The following DIPK1A variants were observed in gnomAD, a reference collection of about 807,000 sequenced individuals.
DIPK1A encodes family with sequence similarity 69 member A.
DIPK1A carries 27 observed loss-of-function variants against 40.8 expected under a neutral mutation model. That is an observed-to-expected ratio of 0.66 (90% CI 0.49 to 0.91). The LOEUF (loss-of-function observed/expected upper bound fraction) is 0.91, where lower values mean the gene tolerates loss of function less well. DIPK1A is among the 40% of genes least tolerant of loss of function. DIPK1A has a pLI of 0.00. For missense variants in DIPK1A, 412 were observed against 505.7 expected (o/e 0.81, Z 1.78); for synonymous variants, 166 against 171.3 (o/e 0.97, Z 0.24).
At chr1:92,926,443 TG>T (rs1227179723) in intron 1 of DIPK1A, among the ~76,000 whole-genome samples, 1 of 152,234 alleles carries the variant, frequency 6.6e-6, no homozygotes, top group East Asian at 1.9e-4. Context: ...TGGTCTATCT[TG>T]GTAAAAGTTC....
intron 1 of DIPK1A, among the ~76,000 whole-genome samples, chr1:92,928,518 T>A (rs1650609612): frequency 6.6e-6 from 1 of 152,248 alleles, no homozygotes; most frequent in Non-Finnish European, 1.5e-5. Flanking sequence ...TTAGTGTCAT[T>A]TCCAGTGTTA....
chr1:92,916,022 C>G (rs930394935), intron 1 of DIPK1A, among the ~76,000 whole-genome samples: 39 of 152,228 alleles, frequency 2.6e-4, no homozygotes, highest in African/African-American at 9.1e-4. Flanking sequence ...CAAAAAGCCA[C>G]ATACTGTATG....
intron 4 of DIPK1A, chr1:92,846,548 T>C (rs1247841394): frequency 1.2e-5 from 5 of 424,556 alleles, no homozygotes; most frequent in Non-Finnish European, 2.4e-5. Flanking sequence ...AATTAATTAA[T>C]GAACTCCCTC....
At chr1:92,949,431 C>G (rs952735096) in intron 1 of DIPK1A, among the ~76,000 whole-genome samples, 1 of 152,028 alleles carries the variant, frequency 6.6e-6, no homozygotes, top group Non-Finnish European at 1.5e-5. Context: ...CCCACCACCA[C>G]ACCTAGCTAA....
chr1:92,840,304 A>G (rs1480094178), downstream of DIPK1A: 1 of 446,260 alleles, frequency 2.2e-6, no homozygotes, highest in Non-Finnish European at 4.1e-6. Context: ...GAACCACCAC[A>G]CCTGGCCTGA....
chr1:92,901,448 G>A (rs1265262840), intron 1 of DIPK1A, among the ~76,000 whole-genome samples: 1 of 152,056 alleles, frequency 6.6e-6, no homozygotes, highest in Non-Finnish European at 1.5e-5. Context: ...TGATTGTGAA[G>A]TACTCCCTAG....
chr1:92,860,636 A>AG (rs1647216773), intron 2 of DIPK1A, among the ~76,000 whole-genome samples: 3 of 60,628 alleles, frequency 4.9e-5, no homozygotes, highest in Non-Finnish European at 1.1e-4. Flanking sequence ...CTAAAAAAAA[A>AG]AAAAAAAAAA....
At chr1:92,908,258 T>A (rs909131031) in intron 1 of DIPK1A, among the ~76,000 whole-genome samples, 2 of 151,898 alleles carry the variant, frequency 1.3e-5, no homozygotes, top group African/African-American at 4.8e-5. Context: ...GCCATGGGAG[T>A]AGTCGTCATC....
intron 1 of DIPK1A, among the ~76,000 whole-genome samples, chr1:92,887,112 G>A (rs10782946): frequency 0.59 from 90,015 of 151,530 alleles, 27,878 homozygotes; most frequent in East Asian, 0.95. Context: ...GCAAACATTA[G>A]ATGCAAATAA....
chr1:92,899,747 T>C (rs975810528), intron 1 of DIPK1A, among the ~76,000 whole-genome samples: 1 of 152,220 alleles, frequency 6.6e-6, no homozygotes, highest in Non-Finnish European at 1.5e-5. Flanking sequence ...TACTTTTGAG[T>C]GTTCATCATA....
intron 1 of DIPK1A, among the ~76,000 whole-genome samples, chr1:92,880,291 T>C (rs1169250337): frequency 6.6e-6 from 1 of 152,204 alleles, no homozygotes; most frequent in Non-Finnish European, 1.5e-5. Flanking sequence ...CTTTAATGCA[T>C]AAAATATTAG....
chr1:92,926,048 C>G (rs915010800), intron 1 of DIPK1A, among the ~76,000 whole-genome samples: 2 of 151,770 alleles, frequency 1.3e-5, no homozygotes, highest in Non-Finnish European at 2.9e-5. Flanking sequence ...TTTATTGTCT[C>G]TGTTGTCTAT....
Position 92,940,378 on chromosome 1 carries a change from A to C in DIPK1A, c.54+20998T>G, listed in dbSNP as rs566774768. 2.0e-5 allele frequency among the ~76,000 whole-genome samples: 3 copies of C among 152,364 alleles called. No homozygotes were observed. In the South Asian group the frequency reaches 6.2e-4, roughly 32 times the overall value. ...TTAAAAATAGGCATTTAAAGCCAAT[A>C]ACATCATCTTAACATAGTACAACAC... On this transcript the variant is annotated intron_variant, in intron 1 of 4. Coordinates refer to ENST00000370310, the MANE Select transcript of DIPK1A (RefSeq NM_001006605.5).
chr1:92,947,425 A>G (rs1651419044), intron 1 of DIPK1A, among the ~76,000 whole-genome samples: 1 of 152,228 alleles, frequency 6.6e-6, no homozygotes, highest in Non-Finnish European at 1.5e-5. Flanking sequence ...AATGGCTATT[A>G]CCAAAAAGAC....
intron 1 of DIPK1A, among the ~76,000 whole-genome samples, chr1:92,892,782 T>A (rs543662531): frequency 6.7e-6 from 1 of 148,586 alleles, no homozygotes; most frequent in South Asian, 2.2e-4. Flanking sequence ...CTAACTAGAA[T>A]AACCAATGCA....
At chr1:92,891,083 G>C (rs1433867654) in intron 1 of DIPK1A, among the ~76,000 whole-genome samples, 1 of 151,984 alleles carries the variant, frequency 6.6e-6, no homozygotes, top group African/African-American at 2.4e-5. Flanking sequence ...ATTTCCTCTA[G>C]TTTTCTAATT....
In DIPK1A at chr1:92,843,960, TA is replaced by T; in HGVS notation, c.709del (p.Tyr237MetfsTer3). On this transcript the variant is annotated frameshift_variant, in exon 5 of 5. Coordinates refer to ENST00000370310, the MANE Select transcript of DIPK1A (RefSeq NM_001006605.5). LOFTEE classifies it high-confidence loss of function. ...AATGACCCAAGGAAGGCTTATTCCA[TA>T]AAGAGAGGTATATTCAACACTTTCC... ...VMESVEYTSLYGISLPWVIEL... is the reference protein window; with the variant it reads ...VMESVEYTSLXGISLPWVIEL... The T allele has an allele frequency of 6.4e-7, 1 of 1,551,886 alleles. No homozygotes were observed. The highest frequency in any genetic ancestry group is 8.7e-7 in the Non-Finnish European group (1 of 1,147,018).
intron 2 of DIPK1A, among the ~76,000 whole-genome samples, chr1:92,854,353 A>C (rs988227594): frequency 1.3e-5 from 2 of 152,254 alleles, no homozygotes; most frequent in African/African-American, 4.8e-5. Context: ...TAATTTGTTC[A>C]CAACTACAAA....
At chr1:92,919,585 A>G (rs763211908) in intron 1 of DIPK1A, among the ~76,000 whole-genome samples, 6 of 152,182 alleles carry the variant, frequency 3.9e-5, no homozygotes, top group Non-Finnish European at 7.3e-5. Context: ...CCTCTGTGCT[A>G]TCTCTATATC....
Sources: gnomAD v4.1 joint callset for allele counts (sites outside exome capture counted in the v4.1 genomes callset) on GRCh38, gnomAD v4.1.1 for gene constraint, MANE v1.5 for transcripts, NCBI Gene and HGNC (gene_info 2026-07-23, HGNC 2026-07-21) for gene names.